The following RBFOX2 variants were observed in gnomAD, a reference collection of about 807,000 sequenced individuals.
RBFOX2 encodes the protein RNA binding fox-1 homolog 2.
RBFOX2 carries 10 observed loss-of-function variants against 49.1 expected under a neutral mutation model. That is an observed-to-expected ratio of 0.20 (90% CI 0.13 to 0.35). The LOEUF (loss-of-function observed/expected upper bound fraction) is 0.35. Ranked by LOEUF, RBFOX2 falls within the 10% of genes least tolerant of loss-of-function variation. The pLI, the probability that RBFOX2 is intolerant of heterozygous loss-of-function variation, is 1.00. For missense variants in RBFOX2, 323 were observed against 486.9 expected (o/e 0.66, Z 3.17); for synonymous variants, 183 against 187.4 (o/e 0.98, Z 0.19).
chr22:36,007,712 T>C (rs183345539), intron 1 of RBFOX2, among the ~76,000 whole-genome samples: 1 of 152,258 alleles, frequency 6.6e-6, no homozygotes. Flanking sequence ...GAGTCTTGTG[T>C]TTCCTGGCAG....
exon 2 of RBFOX2, chr22:35,809,806 G>A (rs1951486114): frequency 2.5e-6 from 4 of 1,613,936 alleles, no homozygotes; most frequent in Admixed American, 1.7e-5. Context: ...TGTGTGCTGG[G>A]TGAGTTGCTG....
At chr22:35,890,528 T>C (rs543757462) in intron 1 of RBFOX2, among the ~76,000 whole-genome samples, 4 of 152,174 alleles carry the variant, frequency 2.6e-5, no homozygotes, top group African/African-American at 4.8e-5. Context: ...CTTGGGTAAC[T>C]AGAGATACAG....
Position 35,957,603 on chromosome 22 carries a change from G to T in RBFOX2, c.42+3960C>A, listed in dbSNP as rs190451294. On this transcript the variant is annotated intron_variant, in intron 1 of 5. Transcript: ENST00000408983. The stretch of plus-strand genomic sequence containing the variant: ...CCTCCTACTCATAACAATTCTGTTA[G>T]ATAGATAACATTATTCTCTTTTGAT... 1.1e-3 allele frequency among the ~76,000 whole-genome samples: 166 copies of T among 152,302 alleles called. 1 individual carries two copies. Among genetic ancestry groups the T allele is most frequent in the African/African-American group, 3.9e-3 (161 of 41,556 alleles).
rs183222216 is a variant in RBFOX2 at position 35,916,349 on chromosome 22, T to C, written c.-34+22498A>G. ...CAGGCTGGAGTGTAGTGGCATGATC[T>C]TGGCTCACTACAACCTCTGCCTCCC... is the stretch of plus-strand genomic sequence containing the variant. On this transcript the variant is annotated intron_variant, in intron 1 of 13. Coordinates refer to the RBFOX2 transcript ENST00000359369. Among the ~76,000 whole-genome samples, 150 of 152,344 alleles carry C rather than the reference T, an allele frequency of 9.8e-4. 3 individuals are homozygous for C. Among genetic ancestry groups the C allele is most frequent in the Non-Finnish European group, 1.4e-3 (95 of 68,026 alleles).
chr22:35,790,837 A>C (rs571139968), intron 2 of RBFOX2, among the ~76,000 whole-genome samples: 2 of 152,082 alleles, frequency 1.3e-5, no homozygotes, highest in African/African-American at 4.8e-5. Context: ...GTGAAACCCT[A>C]TCTCTACAAA....
intron 1 of RBFOX2, among the ~76,000 whole-genome samples, chr22:35,813,721 C>T (rs1411413835): frequency 6.6e-6 from 1 of 151,604 alleles, no homozygotes; most frequent in Non-Finnish European, 1.5e-5. Context: ...ATGTAGAATC[C>T]CACATCGTAC....
intron 1 of RBFOX2, among the ~76,000 whole-genome samples, chr22:36,021,042 T>C (rs2059226194): frequency 6.6e-6 from 1 of 151,948 alleles, no homozygotes; most frequent in South Asian, 2.1e-4. Context: ...GTGGCACATA[T>C]ACACCATGGA....
At chr22:35,741,612 ATTCT>A (rs1929996550) in exon 12 of RBFOX2, 1 of 152,790 alleles carries the variant, frequency 6.5e-6, no homozygotes, top group South Asian at 2.1e-4. Flanking sequence ...AACTCCATTT[ATTCT>A]TTCTTAGAAA....
intron 1 of RBFOX2, among the ~76,000 whole-genome samples, chr22:36,023,720 C>T (rs1336837339): frequency 6.6e-6 from 1 of 152,194 alleles, no homozygotes; most frequent in African/African-American, 2.4e-5. Flanking sequence ...CATCAGCTTT[C>T]CAGTTGAGTT....
intron 1 of RBFOX2, among the ~76,000 whole-genome samples, chr22:35,831,930 A>T (rs1956876952): frequency 6.6e-6 from 1 of 152,236 alleles, no homozygotes; most frequent in African/African-American, 2.4e-5. Context: ...AAAGACAGGT[A>T]GATTCCTGCC....
intron 3 of RBFOX2, among the ~76,000 whole-genome samples, chr22:35,780,190 T>C (rs1449453933): frequency 6.6e-6 from 1 of 152,178 alleles, no homozygotes; most frequent in Non-Finnish European, 1.5e-5. Context: ...ATCTCAACTC[T>C]GGCCTTCTCT....
At chr22:35,993,693 T>C (rs984265523) in intron 1 of RBFOX2, 2 of 152,172 alleles carry the variant, frequency 1.3e-5, no homozygotes, top group Non-Finnish European at 2.9e-5. Context: ...AAATAACTAA[T>C]AGGGAGGGTA....
intron 1 of RBFOX2, among the ~76,000 whole-genome samples, chr22:36,009,546 G>A (rs868626671): frequency 1.7e-4 from 26 of 151,634 alleles, no homozygotes; most frequent in African/African-American, 5.3e-4. Flanking sequence ...TCTAAGTTTC[G>A]TTTTTTTTGT....
At chr22:35,884,541 C>T (rs2046328953) in intron 1 of RBFOX2, among the ~76,000 whole-genome samples, 1 of 152,166 alleles carries the variant, frequency 6.6e-6, no homozygotes, top group African/African-American at 2.4e-5. Flanking sequence ...TAGGCCTAGA[C>T]ATCACTGGCT....
At position 35,794,607 on chromosome 22, in the gene RBFOX2, G is replaced by A. The variant is rs952145710; in HGVS notation, c.253-12861C>T. ...CGGGAGGCGGAACTTACAGTGAGCC[G>A]AGATCACGCCACTGCACTCCAGCCT... On this transcript the variant is annotated intron_variant, in intron 2 of 11. Transcript: ENST00000405409. Among the ~76,000 whole-genome samples the A allele has an allele frequency of 3.3e-5, 5 of 151,422 alleles. No individual in the cohort carries two copies. In the South Asian group the frequency reaches 6.2e-4, roughly 19 times the overall value.
At chr22:36,000,604 AAG>A (rs1427065230) in intron 1 of RBFOX2, 1 of 152,200 alleles carries the variant, frequency 6.6e-6, no homozygotes, top group East Asian at 1.9e-4. Flanking sequence ...AAGAAAAAAA[AAG>A]AGAGACGAAG....
At position 35,920,885 on chromosome 22, in the gene RBFOX2, C is replaced by T. The variant is rs151220297; in HGVS notation, c.-34+17962G>A. Among the ~76,000 whole-genome samples the T allele has an allele frequency of 1.3e-4, 20 of 152,188 alleles. No homozygotes were observed. In the East Asian group the frequency reaches 3.3e-3, roughly 25 times the overall value. On this transcript the variant is annotated intron_variant, in intron 1 of 13. Coordinates refer to the RBFOX2 transcript ENST00000359369. ...ATGTGTATATATGCAAACAGAGTTACGCTGAAACAAGATAATCAACAACAA... is the reference window on the plus strand; with the variant it reads ...ATGTGTATATATGCAAACAGAGTTATGCTGAAACAAGATAATCAACAACAA...
intron 1 of RBFOX2, among the ~76,000 whole-genome samples, chr22:36,009,030 C>G (rs910083108): frequency 1.4e-4 from 22 of 152,290 alleles, no homozygotes; most frequent in African/African-American, 5.1e-4. Context: ...AAAACTGACT[C>G]TCGTCATATA....
chr22:35,774,491 G>A (rs554539532), intron 4 of RBFOX2, among the ~76,000 whole-genome samples: 1 of 152,080 alleles, frequency 6.6e-6, no homozygotes, highest in Admixed American at 6.5e-5. Context: ...CTTAGATACA[G>A]GTGATTCTAT....
Sources: gnomAD v4.1 joint callset for allele counts (sites outside exome capture counted in the v4.1 genomes callset) on GRCh38, gnomAD v4.1.1 for gene constraint, MANE v1.5 for transcripts, NCBI Gene and HGNC (gene_info 2026-07-23, HGNC 2026-07-21) for gene names.